The following ZBTB16 variants were observed in gnomAD, a reference collection of about 807,000 sequenced individuals.
ZBTB16 encodes zinc finger and BTB domain-containing protein 16.
A neutral mutation model predicts 56.8 loss-of-function variants in ZBTB16; 8 were observed. The ratio of observed to expected loss-of-function variants is 0.14; its 90% CI spans 0.08 to 0.25. ZBTB16 has a LOEUF of 0.25. Among genes scored for constraint, ZBTB16 ranks in the 10% least tolerant of loss-of-function variants. The probability of loss-of-function intolerance (pLI) is 1.00; values close to 1 mark genes in which losing one functional copy is unlikely to be tolerated. For missense variants in ZBTB16, 625 were observed against 903.0 expected, an observed-to-expected ratio of 0.69 and a Z score of 3.95; for synonymous variants, 363 against 368.5, an observed-to-expected ratio of 0.98 and a Z score of 0.17.
chr11:114,251,274 G>A lies in ZBTB16; in HGVS notation c.*719G>A, dbSNP rs1376381000. Among the ~76,000 whole-genome samples the A allele has an allele frequency of 6.6e-6, 1 of 152,114 alleles. No homozygotes were observed. Among genetic ancestry groups the A allele is most frequent in the Non-Finnish European group, 1.5e-5 (1 of 68,026 alleles). The stretch of plus-strand genomic sequence containing the variant: ...CCCAGCCCCTCAGGGACCTGGCGGT[G>A]TCTCCATCCTTCTCCGGTTCCCTAG... On this transcript the variant is annotated 3_prime_UTR_variant, in exon 7 of 7. Coordinates refer to ENST00000335953, the MANE Select transcript of ZBTB16 (RefSeq NM_006006.6).
intron 4 of ZBTB16, among the ~76,000 whole-genome samples, chr11:114,201,477 C>G (rs921440723): frequency 1.3e-5 from 2 of 152,218 alleles, no homozygotes; most frequent in Non-Finnish European, 2.9e-5. Context: ...GACAGTGTGG[C>G]AAATGCTCAG....
chr11:114,074,456 C>T (rs1939464431), intron 2 of ZBTB16, among the ~76,000 whole-genome samples: 1 of 152,170 alleles, frequency 6.6e-6, no homozygotes, highest in Non-Finnish European at 1.5e-5. Context: ...TTAAGCTGTT[C>T]AGCAGGTTAG....
chr11:114,156,303 G>T (rs376433626), intron 2 of ZBTB16, 34 bp from the exon 3 acceptor site: 1 of 1,610,448 alleles, frequency 6.2e-7, no homozygotes, highest in Non-Finnish European at 8.5e-7. Flanking sequence ...TCCAGCCAGA[G>T]CAGCAGCAAC....
At chr11:114,221,975 T>G (rs1944239496) in intron 4 of ZBTB16, among the ~76,000 whole-genome samples, 1 of 151,832 alleles carries the variant, frequency 6.6e-6, no homozygotes. Context: ...TGTTACAGAG[T>G]GTCCATGATC....
intron 3 of ZBTB16, among the ~76,000 whole-genome samples, chr11:114,169,261 C>G (rs368012908): frequency 3.3e-5 from 5 of 152,282 alleles, no homozygotes; most frequent in African/African-American, 1.2e-4. Context: ...TTACTAGCGC[C>G]TTAGACTTCA....
At chr11:114,196,384 G>A (rs1004903719) in intron 4 of ZBTB16, among the ~76,000 whole-genome samples, 20 of 53,668 alleles carry the variant, frequency 3.7e-4, no homozygotes, top group Admixed American at 1.7e-3. Context: ...CTACCTTTTC[G>A]CCAGTAAGAA....
At chr11:114,242,031 G>C (rs997307649) in intron 4 of ZBTB16, 136 bp from the exon 5 acceptor site, 18 of 1,176,030 alleles carry the variant, frequency 1.5e-5, no homozygotes, top group Non-Finnish European at 2.2e-5. Context: ...TGCATAGCCT[G>C]GGCCCACTCT....
At chr11:114,167,890 C>G (rs1429647803) in intron 3 of ZBTB16, among the ~76,000 whole-genome samples, 1 of 152,314 alleles carries the variant, frequency 6.6e-6, no homozygotes, top group East Asian at 1.9e-4. Flanking sequence ...CATGCTAGGC[C>G]TGGTGCCCGA....
intron 2 of ZBTB16, among the ~76,000 whole-genome samples, chr11:114,131,754 C>A (rs1170239254): frequency 6.6e-6 from 1 of 152,140 alleles, no homozygotes; most frequent in Non-Finnish European, 1.5e-5. Flanking sequence ...ATTCTGCTTA[C>A]CGCGGGTCAG....
intron 6 of ZBTB16, among the ~76,000 whole-genome samples, chr11:114,249,854 T>A (rs552744831): frequency 1.3e-5 from 2 of 150,900 alleles, no homozygotes; most frequent in East Asian, 3.9e-4. Flanking sequence ...TCCCTCAATT[T>A]CCCCCCACCC....
intron 6 of ZBTB16, among the ~76,000 whole-genome samples, chr11:114,249,735 G>A (rs1199807926): frequency 2.3e-5 from 3 of 127,822 alleles, no homozygotes; most frequent in Non-Finnish European, 4.7e-5. Context: ...ACTGCAGTCC[G>A]CAGTCTGGCC....
intron 2 of ZBTB16, among the ~76,000 whole-genome samples, chr11:114,132,822 G>T (rs1862850236): frequency 6.6e-6 from 1 of 152,110 alleles, no homozygotes; most frequent in Non-Finnish European, 1.5e-5. Flanking sequence ...AAATGGAGTT[G>T]TGGGTGTACC....
Position 114,250,290 on chromosome 11 carries a change from TC to T in ZBTB16, c.1793-34del, listed in dbSNP as rs1462588125. The stretch of plus-strand genomic sequence containing the variant: ...TGGTGCCCTCACCGCCTTCTGTCTG[TC>T]CTCACTTTCTCCTGCCCTGTCCCTC... On this transcript the variant is annotated intron_variant, in intron 6 of 6. Transcript: ENST00000335953. The surrounding 1 kb of genome is among the most constrained non-coding windows in gnomAD (Gnocchi z 6.0). 44 of 1,602,462 alleles carry T rather than the reference TC, an allele frequency of 2.7e-5. No individual in the cohort carries two copies. The highest frequency in any genetic ancestry group is 3.7e-5 in the Non-Finnish European group (44 of 1,178,186).
intron 2 of ZBTB16, among the ~76,000 whole-genome samples, chr11:114,140,447 C>CCTAT (rs1200880325): frequency 6.6e-6 from 1 of 152,208 alleles, no homozygotes; most frequent in Non-Finnish European, 1.5e-5. Context: ...CAAATAAATA[C>CCTAT]CTATCAATCA....
intron 2 of ZBTB16, among the ~76,000 whole-genome samples, chr11:114,101,479 G>GT (rs1940606588): frequency 6.6e-6 from 1 of 152,108 alleles, no homozygotes; most frequent in Admixed American, 6.5e-5. Flanking sequence ...ATTTAACCAG[G>GT]TTTTTTGTGA....
In ZBTB16 at chr11:114,255,252, A is replaced by G. The variant is rs1362918759; in HGVS notation, c.*4697A>G. Among the ~76,000 whole-genome samples the G allele has an allele frequency of 6.6e-6, 1 of 152,080 alleles. No individual in the cohort carries two copies. Among genetic ancestry groups the G allele is most frequent in the Non-Finnish European group, 1.5e-5 (1 of 68,018 alleles). ...GTGGCTTGTCTTATGTCGTGATAGC[A>G]CAAGTGCCAGTCGGATTGCTCTGTA... On this transcript the variant is annotated 3_prime_UTR_variant, in exon 7 of 7. Transcript: ENST00000335953.
At chr11:114,136,707 GT>G (rs947192468) in intron 2 of ZBTB16, among the ~76,000 whole-genome samples, 6 of 152,016 alleles carry the variant, frequency 3.9e-5, no homozygotes, top group African/African-American at 1.4e-4. Flanking sequence ...AAAGGGGTGG[GT>G]TTTTTTGGGG....
rs530730810 is a variant in ZBTB16 at position 114,103,314 on chromosome 11, C to G, written c.1268+38746C>G. On this transcript the variant is annotated intron_variant, in intron 2 of 6. Coordinates refer to ENST00000335953, the MANE Select transcript of ZBTB16 (RefSeq NM_006006.6). ...ACCACCCCCCAGCCTGAGACCAAAG[C>G]ACAGTTTAACTCTGTCATGGGTCAT... is the stretch of plus-strand genomic sequence containing the variant. 2.6e-5 allele frequency among the ~76,000 whole-genome samples: 4 copies of G among 152,300 alleles called. No homozygotes were observed. The East Asian group carries it at 7.7e-4, about 29-fold the overall frequency.
chr11:114,203,721 G>A (rs543242783), intron 4 of ZBTB16, among the ~76,000 whole-genome samples: 12 of 152,318 alleles, frequency 7.9e-5, no homozygotes, highest in African/African-American at 2.6e-4. Context: ...CGGCATCACA[G>A]GACTGCAGGT....
Sources: allele counts gnomAD v4.1 joint callset (sites outside exome capture counted in the v4.1 genomes callset), GRCh38; gene constraint gnomAD v4.1.1; non-coding constraint Gnocchi (gnomAD v3.1); transcripts MANE v1.5; gene names NCBI Gene and HGNC (gene_info 2026-07-23, HGNC 2026-07-21).